RABEP1: variants seen among roughly 807,000 people sequenced by gnomAD.
The protein encoded by RABEP1 is rab GTPase-binding effector protein 1.
In RABEP1, 51 loss-of-function variants were observed where a neutral mutation model predicts 123.4. The ratio of observed to expected loss-of-function variants is 0.41; its 90% CI spans 0.33 to 0.52. RABEP1 has a LOEUF of 0.52. RABEP1 is among the 20% of genes least tolerant of loss of function. RABEP1 has a pLI of 0.16. For missense variants in RABEP1, 888 were observed against 996.3 expected (o/e 0.89, Z 1.46); for synonymous variants, 347 against 355.2 (o/e 0.98, Z 0.26).
At chr17:5,303,058 C>G (rs1163267477) in intron 1 of RABEP1, among the ~76,000 whole-genome samples, 1 of 152,018 alleles carries the variant, frequency 6.6e-6, no homozygotes, top group Non-Finnish European at 1.5e-5. Context: ...AATTCTTTTA[C>G]TACTCTGAAT....
intron 13 of RABEP1, among the ~76,000 whole-genome samples, chr17:5,374,107 C>T (rs1483706778): frequency 6.6e-6 from 1 of 152,122 alleles, no homozygotes; most frequent in East Asian, 1.9e-4. Context: ...ATATCTGTCA[C>T]CCAGGCTGGA....
At chr17:5,354,285 T>G in intron 7 of RABEP1, 74 bp from the exon 8 acceptor site, 1 of 1,358,180 alleles carries the variant, frequency 7.4e-7, no homozygotes, top group Non-Finnish European at 1.0e-6. Flanking sequence ...TTATTTGTTT[T>G]GAATGGTTAA....
chr17:5,295,361 C>G (rs1263811677), intron 1 of RABEP1, among the ~76,000 whole-genome samples: 4 of 150,670 alleles, frequency 2.7e-5, no homozygotes, highest in Non-Finnish European at 4.4e-5. Context: ...TGCACTCCAG[C>G]CTGGGCAACA....
At chr17:5,308,292 C>A (rs1426279095) in intron 1 of RABEP1, among the ~76,000 whole-genome samples, 2 of 148,562 alleles carry the variant, frequency 1.3e-5, no homozygotes, top group Non-Finnish European at 3.0e-5. Context: ...GTGGTGCGAT[C>A]TCGGCCCACT....
chr17:5,295,248 G>A (rs560171450), intron 1 of RABEP1, among the ~76,000 whole-genome samples: 1 of 151,838 alleles, frequency 6.6e-6, no homozygotes, highest in African/African-American at 2.4e-5. Flanking sequence ...TTAGCCAGGC[G>A]TGGTGGTGCA....
chr17:5,336,010 C>T lies in RABEP1; in HGVS notation c.528+666C>T, dbSNP rs532037762. On this transcript the variant is annotated intron_variant, in intron 4 of 17. Coordinates refer to ENST00000537505, the MANE Select transcript of RABEP1 (RefSeq NM_004703.6). ...ATATTATGTACCACATATGCTTGAACATAATACCATATAATACTTGAACAT... is the reference window on the plus strand; with the variant it reads ...ATATTATGTACCACATATGCTTGAATATAATACCATATAATACTTGAACAT... Among the ~76,000 whole-genome samples the T allele has an allele frequency of 1.3e-4, 20 of 152,190 alleles. No homozygotes were observed. In the South Asian group the frequency reaches 4.2e-3, roughly 32 times the overall value.
intron 2 of RABEP1, among the ~76,000 whole-genome samples, chr17:5,325,868 A>G (rs547710431): frequency 2.6e-5 from 4 of 152,232 alleles, no homozygotes; most frequent in Non-Finnish European, 5.9e-5. Context: ...AACAAAATGA[A>G]CAGCCACATT....
intron 9 of RABEP1, among the ~76,000 whole-genome samples, chr17:5,362,495 T>G (rs540466504): frequency 6.6e-6 from 1 of 152,374 alleles, no homozygotes; most frequent in East Asian, 1.9e-4. Flanking sequence ...CTCATTGGTC[T>G]TATGTAACAC....
chr17:5,361,683 A>G lies in RABEP1; in HGVS notation c.1563+8A>G, dbSNP rs773696353. Reference sequence around the variant, plus strand: ...AATCTCTTGCAGAAAGAGGTGAGTTACCTTTCTCACGTTTTTCCTCTTGCT... The same window carrying G: ...AATCTCTTGCAGAAAGAGGTGAGTTGCCTTTCTCACGTTTTTCCTCTTGCT... On this transcript the variant is annotated splice_region_variant and intron_variant, in intron 9 of 17. Coordinates refer to ENST00000537505, the MANE Select transcript of RABEP1 (RefSeq NM_004703.6). 6.9e-6 allele frequency: 11 copies of G among 1,586,522 alleles called. No homozygotes were observed. The highest frequency in any genetic ancestry group is 6.9e-5 in the South Asian group (6 of 86,598).
intron 12 of RABEP1, among the ~76,000 whole-genome samples, chr17:5,368,674 T>A (rs931185126): frequency 2.0e-4 from 31 of 152,164 alleles, no homozygotes; most frequent in Non-Finnish European, 2.1e-4. Context: ...CAAACAAAAA[T>A]TTTTTCTCAT....
chr17:5,337,183 C>G (rs532105672), intron 4 of RABEP1, among the ~76,000 whole-genome samples: 213 of 152,210 alleles, frequency 1.4e-3, no homozygotes, highest in Middle Eastern at 3.4e-3. Context: ...AGGGGTCACT[C>G]TTTGTGTTTG....
chr17:5,371,330 A>G (rs181654248), intron 12 of RABEP1: 1 of 152,312 alleles, frequency 6.6e-6, no homozygotes, highest in Admixed American at 6.5e-5. Flanking sequence ...TTGAATATGT[A>G]ACATGGTTCA....
chr17:5,383,244 A>G lies in RABEP1; in HGVS notation c.*21A>G, dbSNP rs755878483. ...CATGACACCCTCATGGCAGGATTCT[A>G]GCCTGCACTTTGGGTTTTTAACTCA... On this transcript the variant is annotated 3_prime_UTR_variant, in exon 18 of 18. Transcript: ENST00000537505. 3 of 1,600,212 alleles carry G rather than the reference A, an allele frequency of 1.9e-6. No homozygotes were observed. Among genetic ancestry groups the G allele is most frequent in the East Asian group, 4.5e-5 (2 of 44,818 alleles).
At chr17:5,373,222 C>T (rs994272334) in intron 12 of RABEP1, 92 bp from the exon 13 acceptor site, 21 of 1,247,048 alleles carry the variant, frequency 1.7e-5, no homozygotes, top group Non-Finnish European at 2.3e-5. Context: ...ATCCTCAGCA[C>T]TCCTTTAGTT....
In RABEP1 at chr17:5,386,222, T is replaced by C. The variant is rs755867670; in HGVS notation, c.*2999T>C. On this transcript the variant is annotated 3_prime_UTR_variant, in exon 18 of 18. Transcript: ENST00000537505. ...CTGGTGGTGTCAGAAGTTTACATGA[T>C]TGCGGATATCATTGATTTGCTTCAC... The C allele has an allele frequency of 5.0e-6, 8 of 1,613,388 alleles. No homozygotes were observed. The highest frequency in any genetic ancestry group is 6.8e-6 in the Non-Finnish European group (8 of 1,179,744).
Position 5,308,820 on chromosome 17 carries a change from A to G in RABEP1, c.161A>G (p.Glu54Gly). 6.2e-7 allele frequency: 1 copy of G among 1,607,168 alleles called. No individual in the cohort carries two copies. Among genetic ancestry groups the G allele is most frequent in the Non-Finnish European group, 8.5e-7 (1 of 1,176,062 alleles). The change falls in exon 2 of 18, where the codon GAG (glutamate) becomes GGG (glycine). Residue 54 changes from glutamate to glycine, a missense_variant and splice_region_variant. Glu to Gly is a moderately conservative substitution (Grantham distance 98). Coordinates refer to ENST00000537505, the MANE Select transcript of RABEP1 (RefSeq NM_004703.6). ...TTTAAGGAGTTATATTTGGCTAAAG[A>G]GGGTAAGTTCATAAGTCTCGCACCA... ...AKFKELYLAK[E>G]EDLKRQNAVL...
At chr17:5,288,270 A>G (rs899193978) in intron 1 of RABEP1, among the ~76,000 whole-genome samples, 2 of 152,122 alleles carry the variant, frequency 1.3e-5, no homozygotes, top group African/African-American at 4.8e-5. Flanking sequence ...ATAACTGAAG[A>G]AAGGTCACTG....
Position 5,361,636 on chromosome 17 carries a change from TTTAGTTAGTGAA to T in RABEP1, c.1525_1536del (p.Leu509_Glu512del). The T allele has an allele frequency of 6.2e-7, 1 of 1,609,588 alleles. No individual in the cohort carries two copies. Among genetic ancestry groups the T allele is most frequent in the African/African-American group, 1.3e-5 (1 of 74,746 alleles). The stretch of plus-strand genomic sequence containing the variant: ...CCTATGTGTCCCCTAGTGGTTATCG[TTTAGTTAGTGAA>T]ACAGAATGGAATCTCTTGCAGAAAG... On this transcript the variant is annotated inframe_deletion, in exon 9 of 18. Transcript: ENST00000537505.
chr17:5,362,357 C>T (rs192616301), intron 9 of RABEP1, among the ~76,000 whole-genome samples: 5 of 152,286 alleles, frequency 3.3e-5, no homozygotes, highest in African/African-American at 1.2e-4. Context: ...GTGAGTTGCT[C>T]AAGTGTTCCC....
Sources: gnomAD v4.1 joint callset for allele counts (sites outside exome capture counted in the v4.1 genomes callset) on GRCh38, gnomAD v4.1.1 for gene constraint, MANE v1.5 for transcripts, NCBI Gene and HGNC (gene_info 2026-07-23, HGNC 2026-07-21) for gene names.